The following TCAF1 variants were observed in gnomAD, a reference collection of about 807,000 sequenced individuals.
The protein encoded by TCAF1 is TRPM8 channel associated factor 1.
TCAF1 carries 4 observed loss-of-function variants against 27.3 expected under a neutral mutation model. The observed-to-expected ratio is 0.15, with a 90% CI of 0.07 to 0.34. The LOEUF (loss-of-function observed/expected upper bound fraction) is 0.34. Ranked by LOEUF, TCAF1 falls within the 10% of genes least tolerant of loss-of-function variation. The probability of loss-of-function intolerance (pLI) is 1.00; values close to 1 mark genes in which losing one functional copy is unlikely to be tolerated. For synonymous variants in TCAF1, 105 were observed against 167.1 expected (o/e 0.63, Z 2.87); for missense variants, 257 against 425.8 (o/e 0.60, Z 3.49).
chr7:143,885,089 C>G, intron 1 of TCAF1: 1 of 985,558 alleles, frequency 1.0e-6, no homozygotes. Flanking sequence ...CCCAAGGACC[C>G]CGACCCAGTG....
intron 1 of TCAF1, chr7:143,886,636 C>T (rs1168369030): frequency 6.7e-6 from 3 of 451,038 alleles, no homozygotes; most frequent in African/African-American, 2.1e-5. Context: ...AATTACACAC[C>T]TCCTGTGCTG....
chr7:143,886,544 T>G (rs1483348995), intron 1 of TCAF1: 1 of 984,860 alleles, frequency 1.0e-6, no homozygotes, highest in Non-Finnish European at 1.2e-6. Flanking sequence ...ACTGGATGGA[T>G]GGATGAAATG....
chr7:143,895,148 T>C (rs746027450), intron 1 of TCAF1, among the ~76,000 whole-genome samples: 1 of 151,884 alleles, frequency 6.6e-6, no homozygotes, highest in Non-Finnish European at 1.5e-5. Flanking sequence ...GATACAGCTA[T>C]GTGGCAAAAC....
rs76156965 is a variant in TCAF1, at chr7:143,900,743, T to C, written c.-15+1218A>G. Among the ~76,000 whole-genome samples, 26 of 152,266 alleles carry C rather than the reference T, an allele frequency of 1.7e-4. No homozygotes were observed. The East Asian group carries it at 5.0e-3, about 29-fold the overall frequency. On this transcript the variant is annotated intron_variant, in intron 1 of 8. Coordinates refer to ENST00000479870, the MANE Select transcript of TCAF1 (RefSeq NM_014719.3). ...TGTTACATAGCTTATAGATAAATCATACACCTCCAAAAGTAGAAACAATCC... is the reference window on the plus strand; with the variant it reads ...TGTTACATAGCTTATAGATAAATCACACACCTCCAAAAGTAGAAACAATCC...
intron 1 of TCAF1, among the ~76,000 whole-genome samples, chr7:143,887,588 C>T (rs1169186016): frequency 2.0e-5 from 3 of 152,162 alleles, no homozygotes; most frequent in African/African-American, 7.2e-5. Flanking sequence ...CACTGAAGGA[C>T]ACGTACTGGA....
intron 1 of TCAF1, chr7:143,885,435 C>T (rs1035041805): frequency 2.0e-4 from 196 of 985,316 alleles, no homozygotes; most frequent in Non-Finnish European, 2.3e-4. Flanking sequence ...TGGCCGCCGC[C>T]CCCGGACCGC....
chr7:143,882,191 T>TC (rs2116811245), intron 1 of TCAF1: 3 of 80,050 alleles, frequency 3.7e-5, no homozygotes, highest in African/African-American at 3.5e-4. Context: ...TCCATGCGCG[T>TC]AAACACACAC....
At chr7:143,883,804 G>A (rs558794130) in intron 1 of TCAF1, among the ~76,000 whole-genome samples, 7 of 152,212 alleles carry the variant, frequency 4.6e-5, no homozygotes, top group African/African-American at 1.7e-4. Flanking sequence ...CATCGTGCCC[G>A]CTCCCCATTT....
At chr7:143,900,834 TGGAA>T (rs1395053559) in intron 1 of TCAF1, among the ~76,000 whole-genome samples, 1 of 151,874 alleles carries the variant, frequency 6.6e-6, no homozygotes, top group Non-Finnish European at 1.5e-5. Flanking sequence ...AAAACGAAAA[TGGAA>T]GGAAGCATGA....
At position 143,892,620 on chromosome 7, in the gene TCAF1, T is replaced by G. The variant is rs79280304; in HGVS notation, c.-15+9341A>C. 9.0e-3 allele frequency among the ~76,000 whole-genome samples: 1,367 copies of G among 151,618 alleles called. 24 individuals carry two copies. The highest frequency in any genetic ancestry group is 0.031 in the African/African-American group (1,281 of 41,310). On this transcript the variant is annotated intron_variant, in intron 1 of 8. Transcript: ENST00000479870. ...TTGGCTCACTGCTGCCTCGGCTCAC[T>G]GCAACCTTGCTTAAACCCAATATTT...
chr7:143,887,069 C>T (rs1227895392), intron 1 of TCAF1, among the ~76,000 whole-genome samples: 1 of 151,872 alleles, frequency 6.6e-6, no homozygotes, highest in Non-Finnish European at 1.5e-5. Flanking sequence ...ACATTATAAG[C>T]TAAATTTTAA....
intron 1 of TCAF1, chr7:143,882,842 A>T: frequency 7.1e-6 from 7 of 985,634 alleles, no homozygotes; most frequent in Non-Finnish European, 8.4e-6. Flanking sequence ...TGGGCGACCG[A>T]GCCGGGATTT....
At chr7:143,879,311 T>C (rs776024204) in intron 1 of TCAF1, among the ~76,000 whole-genome samples, 1 of 152,182 alleles carries the variant, frequency 6.6e-6, no homozygotes, top group Non-Finnish European at 1.5e-5. Flanking sequence ...TTGCTCATAA[T>C]ATTGTTAAAA....
intron 1 of TCAF1, chr7:143,882,135 G>A: frequency 6.6e-6 from 1 of 152,490 alleles, no homozygotes; most frequent in Non-Finnish European, 1.5e-5. Flanking sequence ...TGAGAAGGGA[G>A]GGGGCTGGGG....
At chr7:143,898,288 A>T (rs1562975329) in intron 1 of TCAF1, among the ~76,000 whole-genome samples, 1 of 152,176 alleles carries the variant, frequency 6.6e-6, no homozygotes, top group Non-Finnish European at 1.5e-5. Context: ...TCTTAAGGAC[A>T]AAACAAGATG....
intron 1 of TCAF1, chr7:143,885,349 G>T: frequency 1.0e-6 from 1 of 985,290 alleles, no homozygotes; most frequent in Non-Finnish European, 1.2e-6. Context: ...GTGGGGGGAG[G>T]TGGGCTGCAG....
At chr7:143,866,900 GTTAA>G (rs1331523718) in intron 2 of TCAF1, among the ~76,000 whole-genome samples, 2 of 132,118 alleles carry the variant, frequency 1.5e-5, no homozygotes, top group Non-Finnish European at 3.3e-5. Context: ...AAAATTGTAT[GTTAA>G]TTGTCAGTTA....
intron 1 of TCAF1, among the ~76,000 whole-genome samples, chr7:143,891,925 CAA>C (rs777713960): frequency 7.2e-5 from 11 of 151,974 alleles, no homozygotes; most frequent in Middle Eastern, 3.4e-3. Flanking sequence ...GCTAATTTTT[CAA>C]AAGAGTGATG....
chr7:143,878,676 A>G (rs2116790576), intron 1 of TCAF1, among the ~76,000 whole-genome samples: 1 of 152,324 alleles, frequency 6.6e-6, no homozygotes, highest in Admixed American at 6.5e-5. Context: ...TGATATGAAC[A>G]TTTGGTAAGC....
Sources: gnomAD v4.1 joint callset for allele counts (sites outside exome capture counted in the v4.1 genomes callset) on GRCh38, gnomAD v4.1.1 for gene constraint, MANE v1.5 for transcripts, NCBI Gene and HGNC (gene_info 2026-07-23, HGNC 2026-07-21) for gene names.